Variants in RANBP2 observed in about 807,000 individuals in gnomAD.
The protein encoded by RANBP2 is RAN binding protein 2, also known as E3 SUMO-protein ligase RanBP2.
RANBP2 carries 57 observed loss-of-function variants against 303.6 expected under a neutral mutation model. The observed-to-expected ratio is 0.19, with a 90% confidence interval of 0.15 to 0.23. The LOEUF is 0.23. RANBP2 is among the 10% of genes least tolerant of loss of function. The pLI, the probability that RANBP2 is intolerant of heterozygous loss-of-function variation, is 1.00. For synonymous variants in RANBP2, 1,167 were observed against 1,301.5 expected (o/e 0.90, Z 2.23); for missense variants, 3,138 against 3,780.8 (o/e 0.83, Z 4.46).
chr2:109,362,645 G>A, the RANBP2 span, among the ~76,000 whole-genome samples: 1 of 152,124 alleles, frequency 6.6e-6, no homozygotes, highest in Non-Finnish European at 1.5e-5. Flanking sequence ...TCTGCTTGCT[G>A]TCTCTGTCCA....
At chr2:109,560,683 A>G in the RANBP2 span, among the ~76,000 whole-genome samples, 1 of 152,062 alleles carries the variant, frequency 6.6e-6, no homozygotes, top group African/African-American at 2.4e-5. Context: ...CCAAACTGTG[A>G]CCTCCATTGT....
At chr2:109,384,386 A>G in the RANBP2 span, among the ~76,000 whole-genome samples, 16 of 152,022 alleles carry the variant, frequency 1.1e-4, no homozygotes, top group African/African-American at 3.9e-4. Flanking sequence ...AGCGCTCGGG[A>G]CTTGGCAGGG....
At chr2:108,976,731 G>A in the RANBP2 span, among the ~76,000 whole-genome samples, 1 of 152,206 alleles carries the variant, frequency 6.6e-6, no homozygotes, top group East Asian at 1.9e-4. Context: ...TGCTCAAATT[G>A]TCTCAGCTAT....
intron 8 of RANBP2, 152 bp from the exon 9 acceptor site, chr2:108,748,768 A>C (rs1277880839): frequency 2.1e-6 from 3 of 1,398,796 alleles, no homozygotes; most frequent in Non-Finnish European, 3.0e-6. Flanking sequence ...CTACATAAGC[A>C]CCGGTTTTGT....
At chr2:109,078,109 TATATATATA>T in the RANBP2 span, among the ~76,000 whole-genome samples, 68 of 87,666 alleles carry the variant, frequency 7.8e-4, 2 homozygotes, top group African/African-American at 2.5e-3. Context: ...TATATATATA[TATATATATA>T]GCGTGTATAT....
chr2:109,053,525 G>A, the RANBP2 span, among the ~76,000 whole-genome samples: 3 of 152,322 alleles, frequency 2.0e-5, no homozygotes, highest in Admixed American at 1.3e-4. Flanking sequence ...GAGCGCAAGT[G>A]GAGCCCTTTC....
chr2:109,677,745 G>A, the RANBP2 span, among the ~76,000 whole-genome samples: 1 of 152,198 alleles, frequency 6.6e-6, no homozygotes, highest in Admixed American at 6.5e-5. Context: ...TGCTCCAGAA[G>A]TTTATCCAGA....
chr2:109,464,259 C>T, the RANBP2 span, among the ~76,000 whole-genome samples: 7 of 152,222 alleles, frequency 4.6e-5, no homozygotes, highest in Admixed American at 4.6e-4. Context: ...CACAGATACA[C>T]ATCCACACAC....
chr2:109,583,516 G>A, the RANBP2 span, among the ~76,000 whole-genome samples: 6 of 152,136 alleles, frequency 3.9e-5, no homozygotes, highest in African/African-American at 1.4e-4. Flanking sequence ...GTAGAGAAAA[G>A]GAAATGCTTG....
At chr2:109,553,070 C>G in the RANBP2 span, 3 of 1,607,136 alleles carry the variant, frequency 1.9e-6, no homozygotes, top group Non-Finnish European at 2.5e-6. Flanking sequence ...CAAATCACAT[C>G]AAACCAGCAT....
chr2:108,781,785 TC>T (rs1678272950), intron 26 of RANBP2, among the ~76,000 whole-genome samples: 1 of 152,226 alleles, frequency 6.6e-6, no homozygotes, highest in South Asian at 2.1e-4. Context: ...AGAACATTGT[TC>T]TAGGAAAATT....
chr2:109,737,472 C>G, the RANBP2 span: 3 of 619,540 alleles, frequency 4.8e-6, no homozygotes, highest in East Asian at 8.7e-5. Context: ...ACTTCAGAAC[C>G]TGCTTTTTTT....
the RANBP2 span, among the ~76,000 whole-genome samples, chr2:109,512,097 T>A: frequency 6.6e-6 from 1 of 152,168 alleles, no homozygotes; most frequent in Non-Finnish European, 1.5e-5. Context: ...TAGTGGGGGC[T>A]GTGATATCTG....
chr2:109,794,608 C>CCG, the RANBP2 span: 15,774 of 192,272 alleles, frequency 0.082, 2,847 homozygotes, highest in South Asian at 0.11. Flanking sequence ...GCGGCGGCGG[C>CCG]GGGGGGGGCG....
At chr2:109,051,045 C>A in the RANBP2 span, among the ~76,000 whole-genome samples, 50 of 152,294 alleles carry the variant, frequency 3.3e-4, no homozygotes, top group African/African-American at 1.2e-3. Flanking sequence ...AGTGCCCACA[C>A]TGTTTTTATC....
At chr2:109,053,773 C>T in the RANBP2 span, among the ~76,000 whole-genome samples, 3 of 152,178 alleles carry the variant, frequency 2.0e-5, no homozygotes, top group Admixed American at 6.5e-5. Context: ...GGACTCCATT[C>T]GTCAGGGGCG....
At chr2:109,459,032 T>C in the RANBP2 span, among the ~76,000 whole-genome samples, 5 of 152,134 alleles carry the variant, frequency 3.3e-5, no homozygotes, top group East Asian at 1.9e-4. Flanking sequence ...CTGCCTAATA[T>C]GATACAACAA....
chr2:109,105,842 A>G, the RANBP2 span, among the ~76,000 whole-genome samples: 1 of 145,210 alleles, frequency 6.9e-6, no homozygotes, highest in African/African-American at 2.5e-5. Flanking sequence ...GGCGTGAGCC[A>G]CCGCGCCTGG....
At chr2:108,899,856 C>G in the RANBP2 span, among the ~76,000 whole-genome samples, 1 of 152,042 alleles carries the variant, frequency 6.6e-6, no homozygotes, top group Non-Finnish European at 1.5e-5. Flanking sequence ...CGTGGTAGTG[C>G]ACACCTGTAA....
Sources: allele counts gnomAD v4.1 joint callset (sites outside exome capture counted in the v4.1 genomes callset), GRCh38; gene constraint gnomAD v4.1.1; transcripts MANE v1.5; gene names NCBI Gene and HGNC (gene_info 2026-07-23, HGNC 2026-07-21).